TSHZ2: variants seen among roughly 807,000 people sequenced by gnomAD.
TSHZ2 encodes the protein teashirt homolog 2.
Under a neutral mutation model 74.4 loss-of-function variants are expected in TSHZ2, and 21 were observed. The ratio of observed to expected loss-of-function variants is 0.28; its 90% CI spans 0.20 to 0.41. TSHZ2 has a LOEUF of 0.41. Among genes scored for constraint, TSHZ2 ranks in the 10% least tolerant of loss-of-function variants. The pLI is 1.00. For synonymous variants in TSHZ2, 540 were observed against 515.3 expected, an observed-to-expected ratio of 1.05 and a Z score of -0.65; for missense variants, 1,244 against 1,293.5, an observed-to-expected ratio of 0.96 and a Z score of 0.59.
intron 1 of TSHZ2, among the ~76,000 whole-genome samples, chr20:53,237,204 T>C (rs538342455): frequency 3.9e-5 from 6 of 152,196 alleles, no homozygotes; most frequent in Admixed American, 2.6e-4. Context: ...AGGGTTCTTA[T>C]GAAGTGCTGT....
intron 2 of TSHZ2, among the ~76,000 whole-genome samples, chr20:53,299,553 G>T (rs140003318): frequency 2.6e-5 from 4 of 152,056 alleles, no homozygotes; most frequent in Non-Finnish European, 5.9e-5. Flanking sequence ...TTCTAAGTCC[G>T]ATTATTCTCT....
At chr20:53,196,802 A>G (rs887370225) in intron 1 of TSHZ2, among the ~76,000 whole-genome samples, 8 of 152,194 alleles carry the variant, frequency 5.3e-5, no homozygotes, top group African/African-American at 1.9e-4. Flanking sequence ...GTCTTCACAG[A>G]TCTGTATTTG....
intron 1 of TSHZ2, among the ~76,000 whole-genome samples, chr20:52,998,262 A>G (rs1982282511): frequency 6.6e-6 from 1 of 152,138 alleles, no homozygotes; most frequent in Admixed American, 6.5e-5. Flanking sequence ...TCTGTCTCCC[A>G]GGTTCAAGCG....
intron 1 of TSHZ2, among the ~76,000 whole-genome samples, chr20:53,128,256 T>A (rs1032415808): frequency 5.3e-5 from 8 of 152,220 alleles, no homozygotes; most frequent in Non-Finnish European, 1.0e-4. Context: ...CATTTTCTCA[T>A]AACTAAACTC....
At chr20:53,356,373 G>T (rs1258133827) in intron 2 of TSHZ2, among the ~76,000 whole-genome samples, 2 of 152,176 alleles carry the variant, frequency 1.3e-5, no homozygotes, top group African/African-American at 4.8e-5. Context: ...ACCCTTGAAA[G>T]TAGGACTAGC....
chr20:53,028,692 G>A (rs1412073674), intron 1 of TSHZ2, among the ~76,000 whole-genome samples: 5 of 152,200 alleles, frequency 3.3e-5, no homozygotes, highest in Admixed American at 2.6e-4. Flanking sequence ...GCCGGATTGT[G>A]AGATGTGCTG....
At chr20:53,267,693 A>G (rs772375724) in intron 2 of TSHZ2, among the ~76,000 whole-genome samples, 17 of 152,336 alleles carry the variant, frequency 1.1e-4, no homozygotes, top group Non-Finnish European at 1.3e-4. Context: ...GCAATAGTCA[A>G]GGTCAGATAC....
At chr20:53,318,087 A>G (rs762577952) in intron 2 of TSHZ2, among the ~76,000 whole-genome samples, 30 of 152,236 alleles carry the variant, frequency 2.0e-4, no homozygotes, top group Non-Finnish European at 2.2e-4. Flanking sequence ...GTCGAATGTA[A>G]TACAAGGAAG....
chr20:52,989,609 G>A (rs1323993020), intron 1 of TSHZ2, among the ~76,000 whole-genome samples: 1 of 152,114 alleles, frequency 6.6e-6, no homozygotes, highest in East Asian at 1.9e-4. Context: ...ATTATGAGAA[G>A]TTAAAAAGGT....
At chr20:53,303,012 G>T (rs1449552127) in intron 2 of TSHZ2, among the ~76,000 whole-genome samples, 2 of 152,286 alleles carry the variant, frequency 1.3e-5, no homozygotes, top group South Asian at 2.1e-4. Flanking sequence ...AGTTCTTTCT[G>T]CTGTAGGCCA....
chr20:53,253,736 C>T lies in TSHZ2; in HGVS notation c.278C>T (p.Ser93Leu), dbSNP rs995860799. The T allele has an allele frequency of 3.1e-6, 5 of 1,614,030 alleles. No homozygotes were observed. In the South Asian group the frequency reaches 3.3e-5, roughly 11 times the overall value. Reference protein sequence around the residue: ...SLLSDASDQVSDIKSVCGRDA... With the variant: ...SLLSDASDQVLDIKSVCGRDA... ...CTGAGTGACGCCAGTGATCAGGTGT[C>T]GGACATCAAGAGTGTCTGCGGCAGA... The change falls in exon 2 of 3, where the codon TCG becomes TTG. Residue 93 changes from serine to leucine, a missense_variant. By Grantham distance (145) the Ser-to-Leu change is moderately radical. This residue lies in a region of TSHZ2 where 470 missense variants were observed against 456.5 expected (regional missense o/e 1.03). Transcript: ENST00000371497.
chr20:53,285,755 G>A (rs1171451612), intron 2 of TSHZ2, among the ~76,000 whole-genome samples: 1 of 151,772 alleles, frequency 6.6e-6, no homozygotes, highest in African/African-American at 2.4e-5. Flanking sequence ...AAAAAGAAAT[G>A]GTAGTGGTGC....
chr20:53,311,119 C>A (rs1041241124), intron 2 of TSHZ2, among the ~76,000 whole-genome samples: 10 of 152,188 alleles, frequency 6.6e-5, no homozygotes, highest in African/African-American at 2.4e-4. Flanking sequence ...TAGCACAGAG[C>A]AGAATTGCAT....
At chr20:53,141,887 G>C (rs1987408477) in intron 1 of TSHZ2, among the ~76,000 whole-genome samples, 1 of 152,232 alleles carries the variant, frequency 6.6e-6, no homozygotes, top group African/African-American at 2.4e-5. Flanking sequence ...GGAGCCCAAC[G>C]CTGAGGTCGC....
intron 2 of TSHZ2, among the ~76,000 whole-genome samples, chr20:53,351,953 A>C (rs1980660188): frequency 1.3e-5 from 2 of 152,240 alleles, no homozygotes; most frequent in African/African-American, 2.4e-5. Flanking sequence ...TATGGGAAGG[A>C]ATTAAGAGAC....
intron 1 of TSHZ2, among the ~76,000 whole-genome samples, chr20:53,084,732 T>A (rs558691285): frequency 7.2e-6 from 1 of 138,732 alleles, no homozygotes; most frequent in African/African-American, 2.6e-5. Flanking sequence ...CCTCCCTTCC[T>A]TCCTTCCTTC....
intron 1 of TSHZ2, among the ~76,000 whole-genome samples, chr20:53,237,617 TG>T (rs1600759813): frequency 1.3e-5 from 2 of 152,148 alleles, no homozygotes; most frequent in African/African-American, 4.8e-5. Context: ...TGAGATCATT[TG>T]TAAGTGGCTT....
At chr20:52,979,598 G>T (rs564854640) in intron 1 of TSHZ2, among the ~76,000 whole-genome samples, 1 of 152,154 alleles carries the variant, frequency 6.6e-6, no homozygotes, top group Non-Finnish European at 1.5e-5. Context: ...CAAACTCCAT[G>T]AATGAAATGA....
At chr20:53,157,412 T>TG (rs1435895528) in intron 1 of TSHZ2, among the ~76,000 whole-genome samples, 4 of 151,378 alleles carry the variant, frequency 2.6e-5, no homozygotes, top group East Asian at 3.9e-4. Flanking sequence ...GTTGGTTTTT[T>TG]TTTTTTTTTT....
Sources: gnomAD v4.1 joint callset for allele counts (sites outside exome capture counted in the v4.1 genomes callset) on GRCh38, gnomAD v4.1.1 for gene constraint, gnomAD v4.1.1 regional missense constraint, MANE v1.5 for transcripts, NCBI Gene and HGNC (gene_info 2026-07-23, HGNC 2026-07-21) for gene names.